Variants in AGBL3 observed in about 807,000 individuals in gnomAD.
AGBL3 encodes the protein cytosolic carboxypeptidase 3.
In AGBL3, 68 loss-of-function variants were observed where a neutral mutation model predicts 94.5. The ratio of observed to expected loss-of-function variants is 0.72; its 90% confidence interval spans 0.59 to 0.88. The LOEUF is 0.88. Ranked by LOEUF, AGBL3 falls within the 40% of genes least tolerant of loss-of-function variation. The pLI, the probability that AGBL3 is intolerant of heterozygous loss-of-function variation, is 0.00. For synonymous variants in AGBL3, 354 were observed against 370.7 expected (o/e 0.95, Z 0.52); for missense variants, 934 against 1,103.8 (o/e 0.85, Z 2.18).
rs1816117275 is a variant in AGBL3, at chr7:135,034,638, T to C, written c.1047T>C (p.Ser349=). The change falls in exon 7 of 17, where the codon TCT becomes TCC. Residue 349 remains serine, a synonymous_variant. Transcript: ENST00000436302. ...ILTITTPLKN[S]DSRKRKAVIL... ...CAATCACTACCCCCTTGAAGAACTC[T>C]GACTCAAGAAAGCGGAAGGCTGTGA... is the stretch of plus-strand genomic sequence containing the variant. 6.4e-7 allele frequency: 1 copy of C among 1,551,554 alleles called. No individual in the cohort carries two copies. The highest frequency in any genetic ancestry group is 8.7e-7 in the Non-Finnish European group (1 of 1,146,962).
intron 16 of AGBL3, among the ~76,000 whole-genome samples, chr7:135,131,248 G>A (rs1475056830): frequency 6.6e-6 from 1 of 152,076 alleles, no homozygotes; most frequent in African/African-American, 2.4e-5. Flanking sequence ...TCACTCATAA[G>A]TGGGAGTTGA....
chr7:135,066,214 T>G (rs76139733), intron 12 of AGBL3, among the ~76,000 whole-genome samples: 2,147 of 152,260 alleles, frequency 0.014, 46 homozygotes, highest in African/African-American at 0.049. Context: ...AGAAAATACT[T>G]GCAAATCATA....
At chr7:135,096,949 T>A (rs1175948947) in intron 15 of AGBL3, among the ~76,000 whole-genome samples, 2 of 152,160 alleles carry the variant, frequency 1.3e-5, no homozygotes, top group Non-Finnish European at 2.9e-5. Context: ...AAAGCACATA[T>A]GAAGACTGAA....
chr7:135,077,617 T>G (rs2116833371), intron 13 of AGBL3, among the ~76,000 whole-genome samples: 1 of 152,266 alleles, frequency 6.6e-6, no homozygotes, highest in South Asian at 2.1e-4. Context: ...AATATATTAC[T>G]GGTGGAAGTT....
intron 4 of AGBL3, among the ~76,000 whole-genome samples, chr7:135,003,424 G>A (rs1416085177): frequency 6.6e-6 from 1 of 151,888 alleles, no homozygotes; most frequent in Non-Finnish European, 1.5e-5. Context: ...GTTTTACTGT[G>A]TTCAAGATTT....
intron 12 of AGBL3, among the ~76,000 whole-genome samples, chr7:135,061,148 T>C (rs1432808898): frequency 6.6e-6 from 1 of 152,098 alleles, no homozygotes; most frequent in Non-Finnish European, 1.5e-5. Flanking sequence ...TGATTAGTGA[T>C]GTAGGGCATT....
At chr7:135,057,076 C>A (rs1397085904) in intron 11 of AGBL3, among the ~76,000 whole-genome samples, 2 of 151,924 alleles carry the variant, frequency 1.3e-5, no homozygotes, top group Non-Finnish European at 1.5e-5. Flanking sequence ...AGAAATATAT[C>A]CAATATATTT....
At chr7:135,094,498 C>G (rs1436604876) in intron 15 of AGBL3, 1 of 456,566 alleles carries the variant, frequency 2.2e-6, no homozygotes, top group Non-Finnish European at 4.4e-6. Context: ...TGGCCATAGT[C>G]TTGTCTGGAG....
chr7:135,048,944 T>C (rs1333225723), intron 11 of AGBL3, among the ~76,000 whole-genome samples: 1 of 151,882 alleles, frequency 6.6e-6, no homozygotes, highest in Admixed American at 6.6e-5. Flanking sequence ...CATCCTTGCC[T>C]TGTTCCTGAT....
chr7:135,058,455 G>T (rs538541704), intron 11 of AGBL3, among the ~76,000 whole-genome samples: 1 of 152,098 alleles, frequency 6.6e-6, no homozygotes, highest in South Asian at 2.1e-4. Context: ...ATGTAGAATG[G>T]ATATAGTGAT....
chr7:135,042,581 G>A (rs199823916), intron 8 of AGBL3, among the ~76,000 whole-genome samples: 1 of 152,058 alleles, frequency 6.6e-6, no homozygotes, highest in East Asian at 1.9e-4. Flanking sequence ...TCTTGAGTGT[G>A]ATGGTGGTTA....
chr7:135,040,540 T>C (rs1469572119), intron 8 of AGBL3, among the ~76,000 whole-genome samples: 1 of 150,988 alleles, frequency 6.6e-6, no homozygotes, highest in African/African-American at 2.4e-5. Context: ...CGTCAATTGA[T>C]ATAGAAAAAG....
intron 14 of AGBL3, among the ~76,000 whole-genome samples, chr7:135,081,005 T>C (rs1300910603): frequency 6.6e-6 from 1 of 151,686 alleles, no homozygotes. Flanking sequence ...ATTAAAAATA[T>C]AAGTGGAGAT....
intron 4 of AGBL3, among the ~76,000 whole-genome samples, chr7:135,007,926 T>C (rs962348185): frequency 3.3e-5 from 5 of 151,974 alleles, no homozygotes; most frequent in African/African-American, 1.2e-4. Flanking sequence ...AAAATATGAA[T>C]ACATTTAGGT....
rs186214231 is a variant in AGBL3 at position 135,111,443 on chromosome 7, A to G, written c.2111-3937A>G. Among the ~76,000 whole-genome samples the G allele has an allele frequency of 1.1e-4, 16 of 152,314 alleles. No individual in the cohort carries two copies. In the East Asian group the frequency reaches 2.9e-3, roughly 28 times the overall value. The stretch of plus-strand genomic sequence containing the variant: ...ACTGGTGATTATTTTCAGGGCCTTT[A>G]AACTATTTCCCTTGATTCATTGAGC... On this transcript the variant is annotated intron_variant, in intron 15 of 16. Coordinates refer to ENST00000436302, the MANE Select transcript of AGBL3 (RefSeq NM_178563.4).
chr7:135,013,355 T>A, intron 4 of AGBL3, among the ~76,000 whole-genome samples: 1 of 152,200 alleles, frequency 6.6e-6, no homozygotes, highest in East Asian at 1.9e-4. Context: ...CAGTTTTGTT[T>A]CTTAATAAAG....
At chr7:135,088,794 T>C (rs1286844321) in intron 15 of AGBL3, among the ~76,000 whole-genome samples, 1 of 152,204 alleles carries the variant, frequency 6.6e-6, no homozygotes, top group Non-Finnish European at 1.5e-5. Context: ...TCTTGCTGTT[T>C]GTAGAATTCT....
chr7:135,083,149 A>G (rs149451393), intron 15 of AGBL3, among the ~76,000 whole-genome samples: 1 of 152,104 alleles, frequency 6.6e-6, no homozygotes, highest in East Asian at 1.9e-4. Context: ...TATCTTAACT[A>G]CCATCATTAC....
chr7:135,036,223 C>T (rs188275097), intron 7 of AGBL3, among the ~76,000 whole-genome samples: 44 of 152,194 alleles, frequency 2.9e-4, no homozygotes, highest in African/African-American at 6.5e-4. Context: ...CTTAACACCA[C>T]GCTTTCTTAC....
Sources: allele counts gnomAD v4.1 joint callset (sites outside exome capture counted in the v4.1 genomes callset), GRCh38; gene constraint gnomAD v4.1.1; transcripts MANE v1.5; gene names NCBI Gene and HGNC (gene_info 2026-07-23, HGNC 2026-07-21).